The following BPTF variants were observed in gnomAD, a reference collection of about 807,000 sequenced individuals.
BPTF encodes nucleosome-remodeling factor subunit BPTF.
A neutral mutation model predicts 292.5 loss-of-function variants in BPTF; 18 were observed. The ratio of observed to expected loss-of-function variants is 0.06; its 90% CI spans 0.04 to 0.09. The LOEUF (loss-of-function observed/expected upper bound fraction) is 0.09. Ranked by LOEUF, BPTF falls within the 10% of genes least tolerant of loss-of-function variation. BPTF has a pLI of 1.00. For synonymous variants in BPTF, 1,225 were observed against 1,251.9 expected (o/e 0.98, Z 0.45); for missense variants, 2,726 against 3,498.7 (o/e 0.78, Z 5.57).
At position 67,825,863 on chromosome 17, in the gene BPTF, A is replaced by C; in HGVS notation, c.139A>C (p.Ser47Arg). The change falls in exon 1 of 28, where the codon AGC (serine) becomes CGC (arginine). Residue 47 changes from serine (S) to arginine (R), a missense_variant. Coordinates refer to ENST00000306378, the MANE Select transcript of BPTF (RefSeq NM_182641.4). ...GGLRSRHRGS[S>R]RGRWAAAQAE... ...GCTCCGCTCGCGGCACCGCGGCAGC[A>C]GCCGGGGCAGGTGGGCCGCCGCCCA... 1 of 1,013,730 alleles carries C rather than the reference A, an allele frequency of 9.9e-7. No homozygotes were observed. The highest frequency in any genetic ancestry group is 1.2e-6 in the Non-Finnish European group (1 of 850,312). The allele number at this position is 1,013,730 out of a possible 1,614,324, so 62.8% of individuals were successfully genotyped here.
chr17:67,932,916 G>T (rs937876866), intron 18 of BPTF, among the ~76,000 whole-genome samples: 4 of 151,998 alleles, frequency 2.6e-5, no homozygotes, highest in African/African-American at 9.7e-5. Context: ...TTAATAAAAA[G>T]GAAAAATTTA....
intron 13 of BPTF, among the ~76,000 whole-genome samples, chr17:67,922,488 A>G (rs1435235244): frequency 1.3e-5 from 2 of 152,178 alleles, no homozygotes; most frequent in Non-Finnish European, 2.9e-5. Context: ...CAGAGGATGA[A>G]TTGACATTAG....
chr17:67,947,681 T>C (rs1555676120), intron 21 of BPTF, 45 bp from the exon 22 acceptor site: 1 of 1,437,138 alleles, frequency 7.0e-7, no homozygotes, highest in Admixed American at 2.0e-5. Context: ...TACTAACCTG[T>C]GGTGATTATA....
chr17:67,978,727 A>T (rs1342769141), intron 27 of BPTF, among the ~76,000 whole-genome samples: 1 of 152,208 alleles, frequency 6.6e-6, no homozygotes, highest in Non-Finnish European at 1.5e-5. Context: ...AGGAGAATGG[A>T]GCACTCCCCA....
At chr17:67,850,358 C>T (rs1330366978) in intron 1 of BPTF, among the ~76,000 whole-genome samples, 1 of 151,844 alleles carries the variant, frequency 6.6e-6, no homozygotes, top group African/African-American at 2.4e-5. Context: ...TTTCTTTTGC[C>T]TCATGGTGTT....
At position 67,928,496 on chromosome 17, in the gene BPTF, G is replaced by A; in HGVS notation, c.5893G>A (p.Val1965Ile). Reference protein sequence around the residue: ...SGSVTTGTKMVLTTKVGSPAT... With the variant: ...SGSVTTGTKMILTTKVGSPAT... ...CTCAGTTACAACTGGAACCAAAATG[G>A]TACTAACTACTAAAGTTGGATCTCC... Residue 1965 changes from valine (V) to isoleucine (I), a missense_variant, in exon 16 of 28, where the codon GTA becomes ATA. Around this residue, in one of 22 missense-constraint regions of BPTF, gnomAD observed 198 missense variants for 277.1 expected, o/e 0.71. Transcript: ENST00000306378. 1 of 1,614,122 alleles carries A rather than the reference G, an allele frequency of 6.2e-7. No homozygotes were observed. The highest frequency in any genetic ancestry group is 8.5e-7 in the Non-Finnish European group (1 of 1,180,014).
At position 67,844,250 on chromosome 17, in the gene BPTF, AT is replaced by A. The variant is rs1184073796; in HGVS notation, c.614-9675del. Reference sequence around the variant, plus strand: ...AGGCATGCACCACCATGTCTGGCGAATTTTTTTTTTTTTTTGAGACGGAGTC... The same window carrying A: ...AGGCATGCACCACCATGTCTGGCGAATTTTTTTTTTTTTTGAGACGGAGTC... On this transcript the variant is annotated intron_variant, in intron 1 of 27. Transcript: ENST00000306378. Among the ~76,000 whole-genome samples, 1,046 of 131,638 alleles carry A rather than the reference AT, an allele frequency of 7.9e-3. 12 individuals are homozygous for A. Among genetic ancestry groups the A allele is most frequent in the African/African-American group, 0.02 (701 of 35,886 alleles). 86.4% of individuals were successfully genotyped at this position (131,638 alleles called of 152,430 possible). A position where few individuals can be genotyped will look rare whatever the true frequency, so the allele number is the denominator to read the frequency against.
chr17:67,959,233 C>T (rs1357083302), intron 23 of BPTF, among the ~76,000 whole-genome samples: 1 of 151,248 alleles, frequency 6.6e-6, no homozygotes, highest in Non-Finnish European at 1.5e-5. Context: ...ACAGAAAGAG[C>T]CCAGATGGGA....
rs2065793718 is a variant in BPTF, at chr17:67,946,087, A to G, written c.7379A>G (p.Gln2460Arg). 1 of 1,614,218 alleles carries G rather than the reference A, an allele frequency of 6.2e-7. No individual in the cohort carries two copies. Among genetic ancestry groups the G allele is most frequent in the East Asian group, 2.2e-5 (1 of 44,892 alleles). Reference protein sequence around the residue: ...SQVVAQIQAQQSGVPQQIKLQ... With the variant: ...SQVVAQIQAQRSGVPQQIKLQ... The stretch of plus-strand genomic sequence containing the variant: ...GTTGTGGCTCAGATACAGGCTCAGC[A>G]AAGTGGTGTGCCCCAGCAAATCAAA... The change falls in exon 21 of 28, where the codon CAA (glutamine) becomes CGA (arginine). Residue 2460 changes from glutamine to arginine, a missense_variant. Gln to Arg is a conservative substitution (Grantham distance 43). Transcript: ENST00000306378.
chr17:67,853,858 AG>A (rs1480791003), intron 1 of BPTF, 81 bp from the exon 2 acceptor site: 5 of 984,756 alleles, frequency 5.1e-6, no homozygotes, highest in African/African-American at 3.3e-5. Context: ...TATGTATTTT[AG>A]GGGGGTATAT....
At position 67,854,316 on chromosome 17, in the gene BPTF, G is replaced by A. The variant is rs1051749621; in HGVS notation, c.990G>A (p.Leu330=). The change falls in exon 2 of 28, where the codon CTG becomes CTA. Residue 330 remains leucine, a synonymous_variant. Transcript: ENST00000306378. The surrounding 1 kb of genome is among the most constrained non-coding windows in gnomAD (Gnocchi z 5.6). ...ATGGGATGACGTGGCCAGAGGTGCT[G>A]CGGGTGTACTGTGAGAGTGATAAGG... ...FIDGMTWPEV[L]RVYCESDKEY... The A allele has an allele frequency of 6.2e-7, 1 of 1,614,212 alleles. No individual in the cohort carries two copies. The highest frequency in any genetic ancestry group is 2.2e-5 in the East Asian group (1 of 44,896).
At chr17:67,937,902 G>C (rs958476513) in intron 18 of BPTF, among the ~76,000 whole-genome samples, 1 of 152,184 alleles carries the variant, frequency 6.6e-6, no homozygotes, top group African/African-American at 2.4e-5. Flanking sequence ...ATCACCTGTG[G>C]TCAGGAGTTC....
At chr17:67,831,466 A>G (rs537068147) in intron 1 of BPTF, among the ~76,000 whole-genome samples, 1 of 152,316 alleles carries the variant, frequency 6.6e-6, no homozygotes, top group African/African-American at 2.4e-5. Context: ...ATTAATAAAT[A>G]GTCTTGCACA....
At chr17:67,828,560 C>T (rs2056336889) in intron 1 of BPTF, among the ~76,000 whole-genome samples, 1 of 152,152 alleles carries the variant, frequency 6.6e-6, no homozygotes, top group South Asian at 2.1e-4. Flanking sequence ...AGGAGTTTTG[C>T]TCTTGCTGCC....
intron 3 of BPTF, among the ~76,000 whole-genome samples, chr17:67,873,315 G>A (rs778060171): frequency 6.6e-6 from 1 of 151,750 alleles, no homozygotes; most frequent in African/African-American, 2.4e-5. Context: ...AAAATTAGCC[G>A]GGTGTGGTGG....
chr17:67,967,054 C>T (rs1247980356), intron 26 of BPTF, among the ~76,000 whole-genome samples: 4 of 151,044 alleles, frequency 2.6e-5, no homozygotes, highest in South Asian at 2.1e-4. Flanking sequence ...GAACAGAGAT[C>T]GCGCCACTGC....
chr17:67,983,366 A>C lies in BPTF; in HGVS notation c.*1078A>C, dbSNP rs2070616340. On this transcript the variant is annotated 3_prime_UTR_variant, in exon 28 of 28. Coordinates refer to ENST00000306378, the MANE Select transcript of BPTF (RefSeq NM_182641.4). ...TCCTGTTGCATCAGTTGATCATACTAACGAGAACGGTAATGCGACAAGATA... is the reference window on the plus strand; with the variant it reads ...TCCTGTTGCATCAGTTGATCATACTCACGAGAACGGTAATGCGACAAGATA... The C allele has an allele frequency of 6.5e-6, 1 of 152,674 alleles. No individual in the cohort carries two copies. The highest frequency in any genetic ancestry group is 1.5e-5 in the Non-Finnish European group (1 of 68,050). The allele number at this position is 152,674 out of a possible 1,614,324, so 9.5% of individuals were successfully genotyped here.
chr17:67,865,868 G>A (rs1186474161), intron 2 of BPTF, among the ~76,000 whole-genome samples: 1 of 152,184 alleles, frequency 6.6e-6, no homozygotes, highest in African/African-American at 2.4e-5. Context: ...CAGAAGTAAA[G>A]AAGAGGGATG....
intron 11 of BPTF, among the ~76,000 whole-genome samples, chr17:67,917,693 C>G (rs1310814754): frequency 6.6e-6 from 1 of 151,816 alleles, no homozygotes; most frequent in Admixed American, 6.6e-5. Flanking sequence ...AGTGCAATGG[C>G]ATGATCTTGG....
Sources: allele counts gnomAD v4.1 joint callset (sites outside exome capture counted in the v4.1 genomes callset), GRCh38; gene constraint gnomAD v4.1.1; regional missense constraint gnomAD v4.1.1; non-coding constraint Gnocchi (gnomAD v3.1); transcripts MANE v1.5; gene names NCBI Gene and HGNC (gene_info 2026-07-23, HGNC 2026-07-21).